Variants in AGBL4 observed in about 807,000 individuals in gnomAD.
The protein encoded by AGBL4 is AGBL carboxypeptidase 4.
Under a neutral mutation model 66.4 loss-of-function variants are expected in AGBL4, and 58 were observed. That is an observed-to-expected ratio of 0.87 (90% CI 0.71 to 1.09). The LOEUF is 1.09. Ranked by LOEUF, AGBL4 falls within the 50% of genes least tolerant of loss-of-function variation. The pLI is 0.00. For synonymous variants in AGBL4, 234 were observed against 222.9 expected (o/e 1.05, Z -0.44); for missense variants, 579 against 631.0 (o/e 0.92, Z 0.88).
chr1:49,221,209 C>CA (rs1292411374), intron 4 of AGBL4, among the ~76,000 whole-genome samples: 4 of 151,284 alleles, frequency 2.6e-5, no homozygotes, highest in South Asian at 2.1e-4. Context: ...ATTTTTGTTT[C>CA]AAAAAAAACA....
At chr1:49,033,614 T>C (rs1664403973) in intron 5 of AGBL4, among the ~76,000 whole-genome samples, 1 of 152,044 alleles carries the variant, frequency 6.6e-6, no homozygotes, top group South Asian at 2.1e-4. Context: ...TCTCACCTCC[T>C]TTCCGACATC....
intron 2 of AGBL4, chr1:49,841,843 C>A: frequency 2.2e-6 from 1 of 463,042 alleles, no homozygotes; most frequent in South Asian, 2.4e-5. Context: ...CTTTGTCTCA[C>A]AGTCAGGCGG....
chr1:48,546,896 C>CACACACACACACAT (rs764972096), intron 11 of AGBL4, among the ~76,000 whole-genome samples: 4 of 151,104 alleles, frequency 2.6e-5, no homozygotes, highest in African/African-American at 9.7e-5. Flanking sequence ...CACACACACA[C>CACACACACACACAT]ACATACATAA....
At chr1:49,245,135 G>A in intron 4 of AGBL4, among the ~76,000 whole-genome samples, 1 of 151,356 alleles carries the variant, frequency 6.6e-6, no homozygotes, top group East Asian at 1.9e-4. Flanking sequence ...TTTAATAAGT[G>A]AGGTAGTTAT....
At chr1:49,044,382 G>A (rs1203951655) in intron 5 of AGBL4, among the ~76,000 whole-genome samples, 3 of 152,024 alleles carry the variant, frequency 2.0e-5, no homozygotes, top group East Asian at 3.9e-4. Context: ...CCAGCTACTC[G>A]GGAGGCTGAG....
chr1:49,416,700 T>C (rs1041726865), intron 3 of AGBL4, among the ~76,000 whole-genome samples: 2 of 152,162 alleles, frequency 1.3e-5, no homozygotes, highest in Admixed American at 6.6e-5. Context: ...TAATAGCTTT[T>C]ACTTCATAAG....
chr1:49,512,703 C>A (rs1649387629), intron 3 of AGBL4, among the ~76,000 whole-genome samples: 1 of 151,882 alleles, frequency 6.6e-6, no homozygotes, highest in Admixed American at 6.6e-5. Flanking sequence ...AACCCCTTTG[C>A]TTATTAATTA....
At chr1:49,803,147 A>G (rs2147953097) in intron 2 of AGBL4, among the ~76,000 whole-genome samples, 1 of 151,726 alleles carries the variant, frequency 6.6e-6, no homozygotes, top group East Asian at 1.9e-4. Context: ...ATTTAATAAA[A>G]CTTTATATGT....
chr1:48,953,378 A>C (rs1271491234), intron 5 of AGBL4, among the ~76,000 whole-genome samples: 2 of 152,194 alleles, frequency 1.3e-5, no homozygotes, highest in East Asian at 3.9e-4. Context: ...CAGGGCCAGG[A>C]ACTCAAGATT....
intron 6 of AGBL4, among the ~76,000 whole-genome samples, chr1:48,685,160 C>T (rs1646512523): frequency 6.6e-6 from 1 of 152,240 alleles, no homozygotes; most frequent in East Asian, 1.9e-4. Flanking sequence ...GTTCCACGAT[C>T]CTTTCATAGA....
chr1:49,724,343 C>A (rs1383344232), intron 2 of AGBL4, among the ~76,000 whole-genome samples: 1 of 152,098 alleles, frequency 6.6e-6, no homozygotes, highest in Admixed American at 6.6e-5. Context: ...AATACTTGCT[C>A]CACAAGTATT....
chr1:48,631,684 G>A (rs965598659), intron 9 of AGBL4, among the ~76,000 whole-genome samples: 6 of 152,134 alleles, frequency 3.9e-5, no homozygotes, highest in East Asian at 1.9e-4. Flanking sequence ...GTGAGCCACC[G>A]CATCTGGCCT....
chr1:49,274,321 T>C (rs906274466), intron 3 of AGBL4, among the ~76,000 whole-genome samples: 1 of 152,178 alleles, frequency 6.6e-6, no homozygotes, highest in African/African-American at 2.4e-5. Context: ...ATTGGAATTA[T>C]ATAGTATGTT....
chr1:49,191,971 T>C (rs1647128653), intron 4 of AGBL4, among the ~76,000 whole-genome samples: 1 of 152,210 alleles, frequency 6.6e-6, no homozygotes, highest in South Asian at 2.1e-4. Context: ...CCTTTCATTA[T>C]ATACCTAGAA....
At chr1:49,368,492 T>A (rs947607238) in intron 3 of AGBL4, among the ~76,000 whole-genome samples, 1 of 152,174 alleles carries the variant, frequency 6.6e-6, no homozygotes, top group African/African-American at 2.4e-5. Context: ...ATCATTTTTT[T>A]TACAGATTAA....
At chr1:49,987,854 A>C (rs905965293) in intron 1 of AGBL4, among the ~76,000 whole-genome samples, 2 of 151,960 alleles carry the variant, frequency 1.3e-5, no homozygotes, top group Admixed American at 1.3e-4. Flanking sequence ...GTTAAAAACA[A>C]TTGTAGGTAA....
intron 2 of AGBL4, among the ~76,000 whole-genome samples, chr1:49,809,292 G>A (rs1360338279): frequency 6.7e-6 from 1 of 150,300 alleles, no homozygotes; most frequent in Non-Finnish European, 1.5e-5. Context: ...TTCTCTTAAT[G>A]CTATCCCTCC....
At chr1:49,625,957 G>A (rs1645456149) in intron 3 of AGBL4, among the ~76,000 whole-genome samples, 1 of 152,072 alleles carries the variant, frequency 6.6e-6, no homozygotes, top group Non-Finnish European at 1.5e-5. Context: ...GCAAAATCAG[G>A]GAATTCAAAC....
chr1:48,822,305 A>G (rs1646333669), intron 6 of AGBL4, among the ~76,000 whole-genome samples: 1 of 152,226 alleles, frequency 6.6e-6, no homozygotes, highest in African/African-American at 2.4e-5. Flanking sequence ...GGATAAACAA[A>G]TTATGGTATA....
Sources: gnomAD v4.1 joint callset for allele counts (sites outside exome capture counted in the v4.1 genomes callset) on GRCh38, gnomAD v4.1.1 for gene constraint, MANE v1.5 for transcripts, NCBI Gene and HGNC (gene_info 2026-07-23, HGNC 2026-07-21) for gene names.